MMP16: variants seen among roughly 807,000 people sequenced by gnomAD.
MMP16 encodes the protein matrix metalloproteinase-16.
Under a neutral mutation model 67.8 loss-of-function variants are expected in MMP16, and 12 were observed. The observed-to-expected ratio is 0.18, with a 90% CI of 0.11 to 0.29. The LOEUF is 0.29. MMP16 is among the 10% of genes least tolerant of loss of function. The pLI is 1.00. For synonymous variants in MMP16, 249 were observed against 255.9 expected (o/e 0.97, Z 0.26); for missense variants, 475 against 765.7 (o/e 0.62, Z 4.48).
chr8:88,117,116 G>A lies in MMP16; in HGVS notation c.872-398C>T, dbSNP rs529435041. Among the ~76,000 whole-genome samples, 3 of 152,140 alleles carry A rather than the reference G, an allele frequency of 2.0e-5. No homozygotes were observed. In the South Asian group the frequency reaches 6.2e-4, roughly 31 times the overall value. On this transcript the variant is annotated intron_variant, in intron 5 of 9. Transcript: ENST00000286614. ...TCCAACAAAGTTAATCCTAGATTTC[G>A]ATAGATAATGATTCTATTCAAATAT...
intron 4 of MMP16, among the ~76,000 whole-genome samples, chr8:88,157,105 G>A (rs1808522090): frequency 2.0e-5 from 3 of 152,106 alleles, no homozygotes; most frequent in Admixed American, 1.3e-4. Flanking sequence ...AAATGGAACA[G>A]TTTAGTAGAA....
intron 1 of MMP16, 31 bp downstream of exon 1, chr8:88,327,044 G>T: frequency 6.2e-7 from 1 of 1,611,450 alleles, no homozygotes; most frequent in Non-Finnish European, 8.5e-7. Context: ...CCCAGGCAGC[G>T]GGGGGAGGAA....
chr8:88,116,479 TAA>T (rs750842950), intron 6 of MMP16, 26 bp downstream of exon 6: 188 of 1,263,292 alleles, frequency 1.5e-4, no homozygotes, highest in South Asian at 7.3e-4. Context: ...GATCTACTGT[TAA>T]AAAAAAAAAA....
In MMP16 at chr8:88,046,914, G is replaced by A. The variant is rs994088677; in HGVS notation, c.1374-130C>T. 5 of 495,102 alleles carry A rather than the reference G, an allele frequency of 1.0e-5. No homozygotes were observed. The East Asian group carries it at 1.7e-4, about 17-fold the overall frequency. The allele number at this position is 495,102 out of a possible 1,614,324, so 30.7% of individuals were successfully genotyped here. On this transcript the variant is annotated intron_variant, in intron 8 of 9. Transcript: ENST00000286614. ...GCTTGACTTTGTTACCTGTGCACCT[G>A]TTAATGATTTACAGAACTCCAACTG...
At position 88,041,389 on chromosome 8, in the gene MMP16, T is replaced by C. The variant is rs1808130850; in HGVS notation, c.*72A>G. 2 of 1,478,910 alleles carry C rather than the reference T, an allele frequency of 1.4e-6. No homozygotes were observed. The highest frequency in any genetic ancestry group is 1.8e-5 in the Admixed American group (1 of 54,252). 91.6% of individuals were successfully genotyped at this position (1,478,910 alleles called of 1,614,324 possible). On this transcript the variant is annotated 3_prime_UTR_variant, in exon 10 of 10. Transcript: ENST00000286614. The surrounding 1 kb of genome is among the most constrained non-coding windows in gnomAD (Gnocchi z 6.0). The stretch of plus-strand genomic sequence containing the variant: ...GCCTGCTCCTAGCTAGGAAACAGCA[T>C]AACAGCTCTTGTCTTGAATCTCAAG...
At chr8:88,318,341 T>C (rs1811404594) in intron 1 of MMP16, among the ~76,000 whole-genome samples, 1 of 152,200 alleles carries the variant, frequency 6.6e-6, no homozygotes, top group African/African-American at 2.4e-5. Flanking sequence ...TAGATAACTG[T>C]AAAACTATAC....
At chr8:88,051,865 A>C (rs1402784798) in intron 8 of MMP16, among the ~76,000 whole-genome samples, 2 of 152,192 alleles carry the variant, frequency 1.3e-5, no homozygotes, top group African/African-American at 4.8e-5. Context: ...TAGCATTTTA[A>C]GCTAAATGTT....
intron 6 of MMP16, among the ~76,000 whole-genome samples, chr8:88,092,766 T>A (rs753739178): frequency 7.9e-5 from 12 of 151,926 alleles, no homozygotes; most frequent in Non-Finnish European, 1.6e-4. Flanking sequence ...CCCAATTTGA[T>A]CTTTGCCATT....
chr8:88,138,168 T>C (rs1006920082), intron 4 of MMP16, among the ~76,000 whole-genome samples: 15 of 151,926 alleles, frequency 9.9e-5, no homozygotes, highest in African/African-American at 9.7e-5. Context: ...TGCATACATA[T>C]TGGGGAGAAG....
intron 1 of MMP16, 70 bp downstream of exon 1, chr8:88,327,005 A>C (rs1170229346): frequency 1.3e-6 from 2 of 1,595,692 alleles, no homozygotes; most frequent in Admixed American, 1.7e-5. Flanking sequence ...CAAGGATCCC[A>C]GGAGTGAAGG....
At chr8:88,170,120 C>A (rs1263562236) in intron 3 of MMP16, among the ~76,000 whole-genome samples, 1 of 151,998 alleles carries the variant, frequency 6.6e-6, no homozygotes, top group Non-Finnish European at 1.5e-5. Context: ...CCAAGATATA[C>A]CAATGGATTA....
intron 1 of MMP16, among the ~76,000 whole-genome samples, chr8:88,309,154 T>C (rs1439038848): frequency 2.0e-5 from 3 of 152,042 alleles, no homozygotes; most frequent in Non-Finnish European, 4.4e-5. Flanking sequence ...TTTCGTTACA[T>C]AAACCAATTA....
intron 6 of MMP16, among the ~76,000 whole-genome samples, chr8:88,115,081 A>G (rs1020128715): frequency 4.6e-5 from 7 of 152,172 alleles, no homozygotes; most frequent in Admixed American, 4.6e-4. Context: ...TAATGAAAAA[A>G]TAATGTACCC....
Position 88,197,248 on chromosome 8 carries a change from C to T in MMP16, c.191G>A (p.Arg64His), listed in dbSNP as rs373603451. Residue 64 changes from arginine (R) to histidine (H), a missense_variant, in exon 2 of 10, where the codon CGC becomes CAC. Transcript: ENST00000286614. ...PPTDPRMSVL[R>H]SAETMQSALA... ...GGCAGACTGCATGGTCTCTGCAGAGCGCAGCACTGACATTCTGGGGTCAGT... is the reference window on the plus strand; with the variant it reads ...GGCAGACTGCATGGTCTCTGCAGAGTGCAGCACTGACATTCTGGGGTCAGT... The T allele has an allele frequency of 8.7e-6, 14 of 1,605,312 alleles. No individual in the cohort carries two copies. Among genetic ancestry groups the T allele is most frequent in the East Asian group, 4.5e-5 (2 of 44,314 alleles).
chr8:88,242,314 T>C (rs964625701), intron 1 of MMP16, among the ~76,000 whole-genome samples: 4 of 152,226 alleles, frequency 2.6e-5, no homozygotes, highest in African/African-American at 7.2e-5. Context: ...TCCTAACATT[T>C]ATGTCTTTCA....
rs1407380429 is a variant in MMP16 at position 88,237,648 on chromosome 8, C to CA, written c.133-40343dup. Among the ~76,000 whole-genome samples the CA allele has an allele frequency of 1.1e-4, 15 of 133,864 alleles. No homozygotes were observed. In the Admixed American group the frequency reaches 1.2e-3, roughly 11 times the overall value. The allele number at this position is 133,864 out of a possible 152,430, so 87.8% of individuals were successfully genotyped here. A position where few individuals can be genotyped will look rare whatever the true frequency, so the allele number is the denominator to read the frequency against. Reference sequence around the variant, plus strand: ...TGGGCGACAGAGTGAGACTCCGATTCAAAAAACAGAACAACAACAACAACA... The same window carrying CA: ...TGGGCGACAGAGTGAGACTCCGATTCAAAAAAACAGAACAACAACAACAACA... On this transcript the variant is annotated intron_variant, in intron 1 of 9. Coordinates refer to ENST00000286614, the MANE Select transcript of MMP16 (RefSeq NM_005941.5).
chr8:88,126,168 T>C (rs972961374), intron 4 of MMP16, among the ~76,000 whole-genome samples: 3 of 152,012 alleles, frequency 2.0e-5, no homozygotes, highest in Non-Finnish European at 2.9e-5. Context: ...TATTGAGCTA[T>C]TGATAAACAA....
intron 4 of MMP16, among the ~76,000 whole-genome samples, chr8:88,157,617 A>G (rs536297597): frequency 6.6e-6 from 1 of 152,160 alleles, no homozygotes; most frequent in South Asian, 2.1e-4. Flanking sequence ...AGCGGCAAGA[A>G]ATAAAATCAG....
chr8:88,096,797 T>C (rs868726426), intron 6 of MMP16, among the ~76,000 whole-genome samples: 11 of 151,872 alleles, frequency 7.2e-5, no homozygotes, highest in South Asian at 2.1e-4. Context: ...TAGGAGGGTG[T>C]ATTTTAATTT....
Sources: allele counts gnomAD v4.1 joint callset (sites outside exome capture counted in the v4.1 genomes callset), GRCh38; gene constraint gnomAD v4.1.1; non-coding constraint Gnocchi (gnomAD v3.1); transcripts MANE v1.5; gene names NCBI Gene and HGNC (gene_info 2026-07-23, HGNC 2026-07-21).